MAD1L1: variants seen among roughly 807,000 people sequenced by gnomAD.
MAD1L1 encodes the protein mitotic arrest deficient 1 like 1.
Under a neutral mutation model 96.9 loss-of-function variants are expected in MAD1L1, and 95 were observed. That is an observed-to-expected ratio of 0.98 (90% CI 0.83 to 1.16). The LOEUF is 1.16. MAD1L1 is among the 50% of genes most tolerant of loss of function. The pLI, the probability that MAD1L1 is intolerant of heterozygous loss-of-function variation, is 0.00. For synonymous variants in MAD1L1, 473 were observed against 396.6 expected (o/e 1.19, Z -2.29); for missense variants, 1,007 against 954.4 (o/e 1.06, Z -0.73).
intron 11 of MAD1L1, among the ~76,000 whole-genome samples, chr7:2,069,728 G>T (rs894806327): frequency 6.6e-6 from 1 of 152,208 alleles, no homozygotes; most frequent in Admixed American, 6.5e-5. Flanking sequence ...CGCCTGGTTG[G>T]GGGGCCTGTT....
rs4721164 is a variant in MAD1L1, at chr7:1,892,993, C to A, written c.1998+5207G>T. On this transcript the variant is annotated intron_variant, in intron 18 of 18. Transcript: ENST00000265854. ...GGGAAAAGGGAGGTGGGGAAAATTCCGTGAGAACCACTGGGAGGAGTGCAG... is the reference window on the plus strand; with the variant it reads ...GGGAAAAGGGAGGTGGGGAAAATTCAGTGAGAACCACTGGGAGGAGTGCAG... Among the ~76,000 whole-genome samples, 4 of 152,150 alleles carry A rather than the reference C, an allele frequency of 2.6e-5. No homozygotes were observed. In the East Asian group the frequency reaches 5.8e-4, roughly 22 times the overall value.
intron 3 of MAD1L1, among the ~76,000 whole-genome samples, chr7:2,227,168 C>T (rs1243905988): frequency 6.6e-6 from 1 of 151,230 alleles, no homozygotes; most frequent in African/African-American, 2.4e-5. Flanking sequence ...GGTGGTAACG[C>T]ACCTGTAATC....
chr7:1,896,129 G>GCCA (rs904585272), intron 18 of MAD1L1, among the ~76,000 whole-genome samples: 6 of 152,198 alleles, frequency 3.9e-5, no homozygotes, highest in Non-Finnish European at 7.4e-5. Flanking sequence ...CTGTCCGCCT[G>GCCA]CCTCCTCCTC....
intron 14 of MAD1L1, among the ~76,000 whole-genome samples, chr7:2,001,257 C>T (rs1313646505): frequency 1.3e-5 from 2 of 152,290 alleles, no homozygotes; most frequent in Non-Finnish European, 2.9e-5. Flanking sequence ...CAGCCTGACG[C>T]ATGGCCCAGG....
intron 16 of MAD1L1, among the ~76,000 whole-genome samples, chr7:1,947,474 T>G (rs1023693130): frequency 6.6e-6 from 1 of 152,244 alleles, no homozygotes; most frequent in African/African-American, 2.4e-5. Flanking sequence ...AGGAAATGGC[T>G]CACGGAGGAG....
intron 13 of MAD1L1, among the ~76,000 whole-genome samples, chr7:2,007,569 G>C (rs1010259789): frequency 1.3e-5 from 2 of 152,172 alleles, no homozygotes; most frequent in African/African-American, 4.8e-5. Flanking sequence ...AGCTACTCAG[G>C]ATACCAAGGC....
At chr7:2,038,717 C>G (rs1286656613) in intron 12 of MAD1L1, among the ~76,000 whole-genome samples, 1 of 141,502 alleles carries the variant, frequency 7.1e-6, no homozygotes, top group Non-Finnish European at 1.5e-5. Context: ...TTTCACCATG[C>G]TGGCCAGGAT....
chr7:1,869,026 G>A (rs1016557781), intron 18 of MAD1L1, among the ~76,000 whole-genome samples: 7 of 152,182 alleles, frequency 4.6e-5, no homozygotes, highest in Non-Finnish European at 8.8e-5. Context: ...GCTCTGGCTC[G>A]GCAGGCTGGG....
In MAD1L1 at chr7:2,137,885, G is replaced by A. The variant is rs192551094; in HGVS notation, c.1073+11267C>T. Among the ~76,000 whole-genome samples the A allele has an allele frequency of 1.4e-3, 217 of 152,334 alleles. 1 individual carries two copies. The highest frequency in any genetic ancestry group is 4.7e-3 in the African/African-American group (197 of 41,560). On this transcript the variant is annotated intron_variant, in intron 11 of 18. Transcript: ENST00000265854. ...GGCAACTACACGAGGACACGATACCGGCCATGATGGCAGCTGCTGCTCACA... is the reference window on the plus strand; with the variant it reads ...GGCAACTACACGAGGACACGATACCAGCCATGATGGCAGCTGCTGCTCACA...
intron 16 of MAD1L1, among the ~76,000 whole-genome samples, chr7:1,955,934 T>C (rs1465187811): frequency 6.9e-6 from 1 of 144,782 alleles, no homozygotes; most frequent in Non-Finnish European, 1.5e-5. Flanking sequence ...GTAGTATAAC[T>C]TCCATCTTAG....
intron 17 of MAD1L1, among the ~76,000 whole-genome samples, chr7:1,934,810 C>T (rs896476378): frequency 1.3e-5 from 2 of 150,262 alleles, no homozygotes; most frequent in African/African-American, 2.5e-5. Flanking sequence ...ACCCAGACAA[C>T]AGGGGAACAA....
At chr7:1,981,219 C>T (rs145138002) in intron 14 of MAD1L1, among the ~76,000 whole-genome samples, 6 of 152,316 alleles carry the variant, frequency 3.9e-5, no homozygotes, top group Non-Finnish European at 5.9e-5. Flanking sequence ...CACCCGCCTC[C>T]GCCTCCCAAA....
chr7:2,193,336 C>T (rs1791818797), intron 10 of MAD1L1: 1 of 152,658 alleles, frequency 6.6e-6, no homozygotes, highest in Admixed American at 6.5e-5. Flanking sequence ...GCGTCCCCGC[C>T]CAGAGGACGG....
chr7:2,074,343 A>T (rs907364573), intron 11 of MAD1L1, among the ~76,000 whole-genome samples: 3 of 152,238 alleles, frequency 2.0e-5, no homozygotes, highest in African/African-American at 7.2e-5. Context: ...CAGTGACTTC[A>T]GGAAGCAGCT....
intron 17 of MAD1L1, among the ~76,000 whole-genome samples, chr7:1,914,826 G>T (rs1436442779): frequency 6.6e-6 from 1 of 152,138 alleles, no homozygotes; most frequent in Non-Finnish European, 1.5e-5. Context: ...TGCTGCCCAG[G>T]CTGGTCTCCA....
At chr7:2,187,678 C>A (rs1195075130) in intron 10 of MAD1L1, among the ~76,000 whole-genome samples, 1 of 152,206 alleles carries the variant, frequency 6.6e-6, no homozygotes, top group Admixed American at 6.5e-5. Flanking sequence ...TCTCAACATT[C>A]TGTGTGAAGA....
intron 18 of MAD1L1, among the ~76,000 whole-genome samples, chr7:1,893,844 CTCT>C (rs1786704224): frequency 1.3e-5 from 2 of 152,218 alleles, no homozygotes; most frequent in African/African-American, 4.8e-5. Context: ...TGTCTCTTAT[CTCT>C]CCTCTGGACA....
intron 18 of MAD1L1, among the ~76,000 whole-genome samples, chr7:1,820,863 C>T (rs1352134695): frequency 5.9e-5 from 9 of 151,998 alleles, no homozygotes; most frequent in East Asian, 5.8e-4. Flanking sequence ...GGGCGGATCA[C>T]GAGGTCAGGA....
chr7:1,986,565 C>CGCGCCGGCAAGGGAGTTCT (rs1447081383), intron 14 of MAD1L1, among the ~76,000 whole-genome samples: 3 of 151,974 alleles, frequency 2.0e-5, no homozygotes, highest in Non-Finnish European at 4.4e-5. Flanking sequence ...GCGGCTCCCT[C>CGCGCCGGCAAGGGAGTTCT]ATGGAGCTGC....
Sources: gnomAD v4.1 joint callset for allele counts (sites outside exome capture counted in the v4.1 genomes callset) on GRCh38, gnomAD v4.1.1 for gene constraint, MANE v1.5 for transcripts, NCBI Gene and HGNC (gene_info 2026-07-23, HGNC 2026-07-21) for gene names.